The following EPHB2 variants were observed in gnomAD, a reference collection of about 807,000 sequenced individuals.
The protein encoded by EPHB2 is EPH receptor B2.
In EPHB2, 18 loss-of-function variants were observed where a neutral mutation model predicts 96.4. The ratio of observed to expected loss-of-function variants is 0.19; its 90% CI spans 0.13 to 0.28. The LOEUF is 0.28. EPHB2 is among the 10% of genes least tolerant of loss of function. The pLI is 1.00. For synonymous variants in EPHB2, 506 were observed against 534.1 expected (o/e 0.95, Z 0.72); for missense variants, 989 against 1,355.4 (o/e 0.73, Z 4.25).
chr1:22,795,653 A>G (rs1644756797), intron 3 of EPHB2, among the ~76,000 whole-genome samples: 1 of 152,164 alleles, frequency 6.6e-6, no homozygotes, highest in African/African-American at 2.4e-5. Context: ...GATCTAAATG[A>G]TACCCACATG....
chr1:22,913,382 G>A lies in EPHB2; in HGVS notation c.2853-80G>A. The A allele has an allele frequency of 1.9e-6, 3 of 1,561,620 alleles. No homozygotes were observed. Among genetic ancestry groups the A allele is most frequent in the Non-Finnish European group, 1.7e-6 (2 of 1,148,758 alleles). On this transcript the variant is annotated intron_variant, in intron 15 of 15. Coordinates refer to ENST00000374630, the MANE Select transcript of EPHB2 (RefSeq NM_017449.5). This position sits in a 1 kb window ranked among gnomAD's most constrained non-coding sequence, Gnocchi z 4.1. Reference sequence around the variant, plus strand: ...CCTTGCTTTGCCATCTTCCTCCCGGGGAAGCCCAGGCAGCTCTCTACCAGG... The same window carrying A: ...CCTTGCTTTGCCATCTTCCTCCCGGAGAAGCCCAGGCAGCTCTCTACCAGG...
At position 22,800,771 on chromosome 1, in the gene EPHB2, G is replaced by GACACAC. The variant is rs71666873; in HGVS notation, c.811+15716_811+15721dup. ...TTGTGGAGTGTGTGCGTGTGTATGT[G>GACACAC]ACACACACACACACACACACACACA... On this transcript the variant is annotated intron_variant, in intron 3 of 15. Transcript: ENST00000374630. Among the ~76,000 whole-genome samples, 43 of 148,554 alleles carry GACACAC rather than the reference G, an allele frequency of 2.9e-4. No homozygotes were observed. In the Middle Eastern group the frequency reaches 0.01, roughly 36 times the overall value.
chr1:22,760,846 G>A (rs1644225582), intron 1 of EPHB2, among the ~76,000 whole-genome samples: 2 of 152,156 alleles, frequency 1.3e-5, no homozygotes, highest in Non-Finnish European at 2.9e-5. Flanking sequence ...TCTCGGGTAG[G>A]TATAAGATCC....
intron 3 of EPHB2, among the ~76,000 whole-genome samples, chr1:22,843,444 CG>C (rs1226416785): frequency 1.3e-5 from 2 of 152,150 alleles, no homozygotes; most frequent in African/African-American, 4.8e-5. Context: ...TTCATCACCC[CG>C]GTGATAAGCA....
rs763230111 is a variant in EPHB2 at position 22,913,760 on chromosome 1, A to G, written c.*190A>G. ...ATGCAACTCAAACGACGGAAAAAAA[A>G]AGGGAATGGGAAAAAAGAAAACAGA... is the stretch of plus-strand genomic sequence containing the variant. On this transcript the variant is annotated 3_prime_UTR_variant, in exon 16 of 16. Transcript: ENST00000374630. The surrounding 1 kb of genome is among the most constrained non-coding windows in gnomAD (Gnocchi z 4.1). The G allele has an allele frequency of 5.6e-6, 9 of 1,606,806 alleles. No individual in the cohort carries two copies. Among genetic ancestry groups the G allele is most frequent in the African/African-American group, 1.3e-5 (1 of 74,812 alleles).
chr1:22,794,854 G>T (rs940103991), intron 3 of EPHB2, among the ~76,000 whole-genome samples: 2 of 152,232 alleles, frequency 1.3e-5, no homozygotes, highest in African/African-American at 4.8e-5. Context: ...CAGCTGGGAA[G>T]TTCCCCGCCC....
At chr1:22,872,025 A>G (rs1638686633) in intron 5 of EPHB2, among the ~76,000 whole-genome samples, 1 of 151,332 alleles carries the variant, frequency 6.6e-6, no homozygotes, top group South Asian at 2.1e-4. Context: ...CAAAGAAAAA[A>G]AAAAAAATCT....
chr1:22,724,297 A>G (rs1175180652), intron 1 of EPHB2, among the ~76,000 whole-genome samples: 2 of 152,172 alleles, frequency 1.3e-5, no homozygotes, highest in African/African-American at 4.8e-5. Flanking sequence ...CCATTTGTAC[A>G]TAATTTGCAT....
intron 3 of EPHB2, among the ~76,000 whole-genome samples, chr1:22,800,943 C>T (rs1186050697): frequency 1.3e-5 from 2 of 152,320 alleles, no homozygotes; most frequent in South Asian, 2.1e-4. Flanking sequence ...GCCTGTTTTG[C>T]GCAACGCTCC....
rs537401312 is a variant in EPHB2, at chr1:22,918,597, C to G, written c.*5027C>G. ...CCACTGTGCTGTGTGATGCTACATA[C>G]GCATGCGAATACACCACCGGGTGGC... On this transcript the variant is annotated 3_prime_UTR_variant, in exon 16 of 16. Coordinates refer to ENST00000374630, the MANE Select transcript of EPHB2 (RefSeq NM_017449.5). The surrounding 1 kb of genome is among the most constrained non-coding windows in gnomAD (Gnocchi z 4.2). 161 of 152,346 alleles carry G rather than the reference C, an allele frequency of 1.1e-3. No homozygotes were observed. Among genetic ancestry groups the G allele is most frequent in the African/African-American group, 3.5e-3 (147 of 41,576 alleles). 9.4% of individuals were successfully genotyped at this position (152,346 alleles called of 1,614,324 possible).
intron 1 of EPHB2, 130 bp from the exon 2 acceptor site, chr1:22,781,291 G>A: frequency 1.1e-6 from 1 of 907,876 alleles, no homozygotes; most frequent in South Asian, 1.5e-5. Context: ...CTGCACTCCA[G>A]CCTGGGCGAC....
At chr1:22,831,640 A>G (rs1645305507) in intron 3 of EPHB2, among the ~76,000 whole-genome samples, 1 of 152,008 alleles carries the variant, frequency 6.6e-6, no homozygotes, top group South Asian at 2.1e-4. Context: ...GAGCCTTAAC[A>G]CCATGCCACA....
At chr1:22,722,722 C>T (rs929007736) in intron 1 of EPHB2, among the ~76,000 whole-genome samples, 15 of 152,212 alleles carry the variant, frequency 9.9e-5, no homozygotes, top group African/African-American at 3.4e-4. Flanking sequence ...TGAAAAGCAG[C>T]GTGGTCTTAG....
rs1252886386 is a variant in EPHB2, at chr1:22,915,644, G to A, written c.*2074G>A. 3 of 152,388 alleles carry A rather than the reference G, an allele frequency of 2.0e-5. No homozygotes were observed. The highest frequency in any genetic ancestry group is 7.2e-5 in the African/African-American group (3 of 41,576). The allele number at this position is 152,388 out of a possible 1,614,324, so 9.4% of individuals were successfully genotyped here. A position where few individuals can be genotyped will look rare whatever the true frequency, so the allele number is the denominator to read the frequency against. On this transcript the variant is annotated 3_prime_UTR_variant, in exon 16 of 16. Coordinates refer to ENST00000374630, the MANE Select transcript of EPHB2 (RefSeq NM_017449.5). ...AGAGTGCACTCGGAAGAGGGTCTGAGTGTCAGGTGAGCTGTCATAGTGGGA... is the reference window on the plus strand; with the variant it reads ...AGAGTGCACTCGGAAGAGGGTCTGAATGTCAGGTGAGCTGTCATAGTGGGA...
chr1:22,910,307 G>C, intron 13 of EPHB2, 75 bp from the exon 14 acceptor site: 1 of 1,582,238 alleles, frequency 6.3e-7, no homozygotes, highest in Non-Finnish European at 8.7e-7. Flanking sequence ...TGTACTGGGG[G>C]TAAGATGGGC....
At chr1:22,720,876 C>T (rs539814903) in intron 1 of EPHB2, among the ~76,000 whole-genome samples, 1 of 152,214 alleles carries the variant, frequency 6.6e-6, no homozygotes, top group African/African-American at 2.4e-5. Context: ...AGGTGTGAGG[C>T]CAGAGAAAGG....
At chr1:22,902,921 C>A (rs2124080407) in intron 9 of EPHB2, among the ~76,000 whole-genome samples, 1 of 152,316 alleles carries the variant, frequency 6.6e-6, no homozygotes, top group African/African-American at 2.4e-5. Flanking sequence ...GGCATTTGAT[C>A]TGGTCACAAA....
intron 3 of EPHB2, 96 bp from the exon 4 acceptor site, chr1:22,862,941 G>T: frequency 1.3e-6 from 2 of 1,520,474 alleles, no homozygotes. Context: ...TGGCCCCTCC[G>T]CGAGGCTGTG....
chr1:22,791,703 CATAGAATAAAT>C (rs1443065308), intron 3 of EPHB2, among the ~76,000 whole-genome samples: 2 of 152,010 alleles, frequency 1.3e-5, no homozygotes, highest in African/African-American at 2.4e-5. Flanking sequence ...CTTAGGATCC[CATAGAATAAAT>C]GTACCGTAAT....
Sources: gnomAD v4.1 joint callset for allele counts (sites outside exome capture counted in the v4.1 genomes callset) on GRCh38, gnomAD v4.1.1 for gene constraint, Gnocchi (gnomAD v3.1) non-coding constraint, MANE v1.5 for transcripts, NCBI Gene and HGNC (gene_info 2026-07-23, HGNC 2026-07-21) for gene names.